Variants in RIMS1 observed in about 807,000 individuals in gnomAD.
RIMS1 encodes the protein regulating synaptic membrane exocytosis 1, also known as regulating synaptic membrane exocytosis protein 1.
In RIMS1, 83 loss-of-function variants were observed where a neutral mutation model predicts 214.1. That is an observed-to-expected ratio of 0.39 (90% CI 0.32 to 0.47). The LOEUF (loss-of-function observed/expected upper bound fraction) is 0.47. RIMS1 is among the 20% of genes least tolerant of loss of function. The pLI, the probability that RIMS1 is intolerant of heterozygous loss-of-function variation, is 0.99. For missense variants in RIMS1, 2,050 were observed against 2,161.8 expected (o/e 0.95, Z 1.03); for synonymous variants, 793 against 786.8 (o/e 1.01, Z -0.13).
intron 4 of RIMS1, among the ~76,000 whole-genome samples, chr6:72,135,222 C>A (rs1164668897): frequency 1.3e-5 from 2 of 152,064 alleles, no homozygotes; most frequent in Admixed American, 1.3e-4. Flanking sequence ...TAAAAGCAAA[C>A]CACATGTCAG....
chr6:71,968,850 C>T (rs1261154463), intron 1 of RIMS1, 133 bp from the exon 2 acceptor site: 1 of 825,426 alleles, frequency 1.2e-6, no homozygotes, highest in African/African-American at 1.7e-5. Context: ...TTTGCTGGGG[C>T]CCCAAGGTTA....
chr6:72,363,883 T>C (rs2097905096), intron 29 of RIMS1, among the ~76,000 whole-genome samples: 1 of 152,232 alleles, frequency 6.6e-6, no homozygotes, highest in Non-Finnish European at 1.5e-5. Context: ...TTTTAAAGAT[T>C]ATTTGATTTA....
intron 2 of RIMS1, among the ~76,000 whole-genome samples, chr6:71,981,920 T>A (rs1798593391): frequency 1.3e-5 from 2 of 148,702 alleles, no homozygotes; most frequent in Admixed American, 1.4e-4. Context: ...AGCTATGCCA[T>A]TGGAACTTGA....
intron 29 of RIMS1, among the ~76,000 whole-genome samples, chr6:72,354,297 A>G (rs907123433): frequency 1.3e-5 from 2 of 152,172 alleles, no homozygotes; most frequent in East Asian, 1.9e-4. Flanking sequence ...TAGCTACTCC[A>G]TGGGGACAGT....
chr6:72,086,182 T>A (rs910579187), intron 2 of RIMS1, among the ~76,000 whole-genome samples: 2 of 152,148 alleles, frequency 1.3e-5, no homozygotes, highest in Non-Finnish European at 2.9e-5. Flanking sequence ...ATTTCTTAAA[T>A]TTCAGAAGTG....
intron 2 of RIMS1, among the ~76,000 whole-genome samples, chr6:72,014,082 G>C (rs536462500): frequency 2.6e-5 from 4 of 152,318 alleles, no homozygotes; most frequent in African/African-American, 4.8e-5. Flanking sequence ...ATAAAGCAAA[G>C]AGGTTTGATT....
intron 28 of RIMS1, among the ~76,000 whole-genome samples, chr6:72,314,573 A>G (rs182708027): frequency 2.5e-3 from 374 of 152,272 alleles, no homozygotes; most frequent in Non-Finnish European, 2.9e-3. Context: ...TAACATGAGC[A>G]ATTTCAACTG....
chr6:71,912,734 T>C (rs1264594204), intron 1 of RIMS1, among the ~76,000 whole-genome samples: 5 of 152,110 alleles, frequency 3.3e-5, no homozygotes, highest in Admixed American at 6.6e-5. Flanking sequence ...CAAATATTTA[T>C]TAAGTATTAT....
At chr6:72,350,616 G>A (rs920212325) in intron 29 of RIMS1, among the ~76,000 whole-genome samples, 3 of 151,976 alleles carry the variant, frequency 2.0e-5, no homozygotes, top group Non-Finnish European at 2.9e-5. Context: ...TTTCATAGTT[G>A]TTACCCATTG....
At chr6:72,110,661 G>T (rs1250725657) in intron 4 of RIMS1, among the ~76,000 whole-genome samples, 14 of 150,432 alleles carry the variant, frequency 9.3e-5, no homozygotes, top group African/African-American at 3.2e-4. Context: ...GGGACAATTT[G>T]ACTTCCTCTT....
intron 4 of RIMS1, among the ~76,000 whole-genome samples, chr6:72,160,922 C>G (rs2045297503): frequency 7.1e-6 from 1 of 139,904 alleles, no homozygotes; most frequent in South Asian, 2.4e-4. Context: ...AGGATTCCCT[C>G]TTTTTCTATT....
intron 6 of RIMS1, among the ~76,000 whole-genome samples, chr6:72,196,589 T>TG (rs2051002747): frequency 1.6e-5 from 2 of 128,122 alleles, no homozygotes; most frequent in Non-Finnish European, 3.4e-5. Context: ...ACTTTTTTTT[T>TG]TTTTTTTTTT....
intron 1 of RIMS1, among the ~76,000 whole-genome samples, chr6:71,963,454 G>A (rs59939131): frequency 0.034 from 5,198 of 152,038 alleles, 283 homozygotes; most frequent in African/African-American, 0.12. Context: ...TTATTTTCCT[G>A]CTCTCTTTAG....
intron 2 of RIMS1, among the ~76,000 whole-genome samples, chr6:72,032,585 T>C (rs950241012): frequency 1.2e-4 from 18 of 152,200 alleles, no homozygotes; most frequent in African/African-American, 4.3e-4. Flanking sequence ...AAAAATGCTC[T>C]ATTGCATTTC....
chr6:71,971,267 C>T (rs890853054), intron 2 of RIMS1, among the ~76,000 whole-genome samples: 10 of 151,930 alleles, frequency 6.6e-5, no homozygotes, highest in African/African-American at 2.4e-4. Flanking sequence ...GGAAAATGGA[C>T]TATGAATGTG....
chr6:72,019,492 T>C (rs944847480), intron 2 of RIMS1, among the ~76,000 whole-genome samples: 1 of 152,218 alleles, frequency 6.6e-6, no homozygotes. Context: ...GCAGGTGTTA[T>C]AGCGATCACT....
intron 28 of RIMS1, chr6:72,316,767 G>T (rs528671296): frequency 4.3e-6 from 3 of 690,604 alleles, no homozygotes; most frequent in East Asian, 3.3e-5. Context: ...TCCCTAGTAG[G>T]CAGGGCCAGT....
In RIMS1 at chr6:72,241,936, A is replaced by G. The variant is rs75634828; in HGVS notation, c.1958-378A>G. 6.1e-3 allele frequency among the ~76,000 whole-genome samples: 924 copies of G among 152,256 alleles called. 12 individuals are homozygous for G. The highest frequency in any genetic ancestry group is 0.02 in the African/African-American group (847 of 41,562). ...ATCTTTCAAAAATAGAGCCGCCTAC[A>G]TTTATTATATGGAGGGCATGCTGCT... On this transcript the variant is annotated intron_variant, in intron 9 of 33. Transcript: ENST00000521978.
chr6:72,001,007 A>C (rs1431121011), intron 2 of RIMS1, among the ~76,000 whole-genome samples: 1 of 139,792 alleles, frequency 7.2e-6, no homozygotes, highest in African/African-American at 2.5e-5. Context: ...TGGTCATCCT[A>C]AATTTAAAAC....
Sources: gnomAD v4.1 joint callset for allele counts (sites outside exome capture counted in the v4.1 genomes callset) on GRCh38, gnomAD v4.1.1 for gene constraint, MANE v1.5 for transcripts, NCBI Gene and HGNC (gene_info 2026-07-23, HGNC 2026-07-21) for gene names.